Variants in RPS6KA2 observed in about 807,000 individuals in gnomAD.
RPS6KA2 encodes ribosomal protein S6 kinase A2.
RPS6KA2 carries 42 observed loss-of-function variants against 91.8 expected under a neutral mutation model. The observed-to-expected ratio is 0.46, with a 90% CI of 0.36 to 0.59. RPS6KA2 has a LOEUF of 0.59. Ranked by LOEUF, RPS6KA2 falls within the 20% of genes least tolerant of loss-of-function variation. RPS6KA2 has a pLI of 0.00. For synonymous variants in RPS6KA2, 414 were observed against 393.6 expected, an observed-to-expected ratio of 1.05 and a Z score of -0.61; for missense variants, 798 against 978.5, an observed-to-expected ratio of 0.82 and a Z score of 2.46.
intron 2 of RPS6KA2, among the ~76,000 whole-genome samples, chr6:166,637,696 GC>G (rs1436481154): frequency 6.6e-6 from 1 of 152,254 alleles, no homozygotes; most frequent in Non-Finnish European, 1.5e-5. Context: ...GGAGAAGGGG[GC>G]GTTTGTCCCA....
intron 10 of RPS6KA2, among the ~76,000 whole-genome samples, chr6:166,488,084 G>C (rs1294729542): frequency 7.1e-6 from 1 of 140,786 alleles, no homozygotes; most frequent in South Asian, 2.5e-4. Context: ...TATGAGGTTA[G>C]AGTTTAAAAA....
chr6:166,773,284 G>A (rs1399903684), intron 2 of RPS6KA2, among the ~76,000 whole-genome samples: 2 of 152,208 alleles, frequency 1.3e-5, no homozygotes, highest in Admixed American at 6.5e-5. Context: ...TCACAGGAAA[G>A]CCCAGTGTGC....
At chr6:166,594,838 C>A (rs1293059826) in intron 1 of RPS6KA2, among the ~76,000 whole-genome samples, 1 of 152,182 alleles carries the variant, frequency 6.6e-6, no homozygotes, top group African/African-American at 2.4e-5. Context: ...GTTCTCAGAA[C>A]ACCAAAGTTC....
In RPS6KA2 at chr6:166,665,098, C is replaced by T. The variant is rs1788277382; in HGVS notation, c.124-126314G>A. On this transcript the variant is annotated intron_variant, in intron 2 of 21. Coordinates refer to the RPS6KA2 transcript ENST00000503859. The surrounding 1 kb of genome is among the most constrained non-coding windows in gnomAD (Gnocchi z 4.5). ...CATCTCTACAAAAAATAAAATTAGC[C>T]AGGCATGGTGGCGTGTAGCCTTCAG... 6.6e-6 allele frequency among the ~76,000 whole-genome samples: 1 copy of T among 152,084 alleles called. No homozygotes were observed. The highest frequency in any genetic ancestry group is 1.5e-5 in the Non-Finnish European group (1 of 68,020).
intron 2 of RPS6KA2, among the ~76,000 whole-genome samples, chr6:166,856,329 C>T (rs1780902560): frequency 6.6e-6 from 1 of 152,148 alleles, no homozygotes; most frequent in Non-Finnish European, 1.5e-5. Flanking sequence ...CCCCTTCCAC[C>T]ACGTGAGGAC....
In RPS6KA2 at chr6:166,823,030, C is replaced by A. The variant is rs371792586; in HGVS notation, c.123+35170G>T. 1.8e-3 allele frequency among the ~76,000 whole-genome samples: 278 copies of A among 152,254 alleles called. 1 individual carries two copies. Among genetic ancestry groups the A allele is most frequent in the African/African-American group, 6.4e-3 (267 of 41,546 alleles). On this transcript the variant is annotated intron_variant, in intron 2 of 21. Coordinates refer to the RPS6KA2 transcript ENST00000503859. ...TGAGTTATTGGATCTTGGCAATCAC[C>A]AAAACTGAAGAAAAAGACAACCAGA...
chr6:166,611,601 A>G (rs908678838), intron 1 of RPS6KA2, among the ~76,000 whole-genome samples: 4 of 152,254 alleles, frequency 2.6e-5, no homozygotes, highest in Non-Finnish European at 4.4e-5. Flanking sequence ...ACTGGCTTAA[A>G]CAATGAAAGA....
chr6:166,450,320 G>A (rs115988783), intron 13 of RPS6KA2, among the ~76,000 whole-genome samples: 6,033 of 132,494 alleles, frequency 0.046, 151 homozygotes, highest in East Asian at 0.09. Flanking sequence ...GGGACCACCA[G>A]GGGGACCACC....
chr6:166,422,340 C>A (rs1253772429), intron 17 of RPS6KA2, among the ~76,000 whole-genome samples: 1 of 152,170 alleles, frequency 6.6e-6, no homozygotes, highest in African/African-American at 2.4e-5. Context: ...TGCAATGGAC[C>A]AGTGGCCCTG....
At chr6:166,643,513 A>G (rs931103425) in intron 2 of RPS6KA2, among the ~76,000 whole-genome samples, 2 of 152,264 alleles carry the variant, frequency 1.3e-5, no homozygotes, top group Non-Finnish European at 2.9e-5. Context: ...AGGAGGATAC[A>G]ATAATTCTAA....
intron 8 of RPS6KA2, among the ~76,000 whole-genome samples, chr6:166,492,615 T>A (rs999878046): frequency 6.6e-6 from 1 of 152,364 alleles, no homozygotes; most frequent in East Asian, 1.9e-4. Context: ...CACCGTTTAA[T>A]CCTTGTTACA....
intron 6 of RPS6KA2, among the ~76,000 whole-genome samples, chr6:166,504,076 A>G (rs1370753722): frequency 2.0e-5 from 3 of 152,242 alleles, no homozygotes; most frequent in Non-Finnish European, 4.4e-5. Flanking sequence ...TCTGGAGGAC[A>G]GTAGGGAAGA....
At chr6:166,502,523 G>A (rs561145574) in intron 6 of RPS6KA2, among the ~76,000 whole-genome samples, 4 of 152,324 alleles carry the variant, frequency 2.6e-5, no homozygotes, top group East Asian at 1.9e-4. Context: ...CGGCACTCCC[G>A]GCCTGAGTGG....
In RPS6KA2 at chr6:166,583,974, G is replaced by A. The variant is rs139852129; in HGVS notation, c.99+42947C>T. On this transcript the variant is annotated intron_variant, in intron 1 of 20. Transcript: ENST00000265678. ...ACCCTCTAAGGGTCAACAAAAAGGCGCATCTTAAAATGTATTTTATAGCTC... is the reference window on the plus strand; with the variant it reads ...ACCCTCTAAGGGTCAACAAAAAGGCACATCTTAAAATGTATTTTATAGCTC... Among the ~76,000 whole-genome samples the A allele has an allele frequency of 3.4e-4, 52 of 152,296 alleles. No individual in the cohort carries two copies. The South Asian group carries it at 7.9e-3, about 23-fold the overall frequency.
At chr6:166,549,920 C>T (rs533740130) in intron 1 of RPS6KA2, among the ~76,000 whole-genome samples, 5 of 152,208 alleles carry the variant, frequency 3.3e-5, no homozygotes, top group South Asian at 4.1e-4. Context: ...ACCTCTGCCA[C>T]GTGTTTTGCA....
At chr6:166,848,937 A>AAT (rs757441712) in intron 2 of RPS6KA2, among the ~76,000 whole-genome samples, 51 of 151,164 alleles carry the variant, frequency 3.4e-4, no homozygotes, top group Non-Finnish European at 6.5e-4. Flanking sequence ...TAATTTTAAA[A>AAT]ATATATATAT....
rs1781771800 is a variant in RPS6KA2 at position 166,495,988 on chromosome 6, T to A, written c.747+2520A>T. On this transcript the variant is annotated intron_variant, in intron 8 of 20. Coordinates refer to ENST00000265678, the MANE Select transcript of RPS6KA2 (RefSeq NM_021135.6). This position sits in a 1 kb window ranked among gnomAD's most constrained non-coding sequence, Gnocchi z 4.4. ...GTCTCCATCTTTGGATCATTCCTCT[T>A]CTGTCTCTTCTGTTCTCCTATTTCT... Among the ~76,000 whole-genome samples, 1 of 152,214 alleles carries A rather than the reference T, an allele frequency of 6.6e-6. No individual in the cohort carries two copies. Among genetic ancestry groups the A allele is most frequent in the Admixed American group, 6.5e-5 (1 of 15,278 alleles).
At position 166,448,902 on chromosome 6, in the gene RPS6KA2, G is replaced by A. The variant is rs1264423384; in HGVS notation, c.1207-53C>T. The A allele has an allele frequency of 3.7e-5, 60 of 1,601,252 alleles. 1 individual carries two copies. The highest frequency in any genetic ancestry group is 3.0e-4 in the South Asian group (27 of 89,844). ...TGTCGGAACCCTCACACGAGGGGAC[G>A]GTGCAGCTACACGCACACAGAATGT... On this transcript the variant is annotated intron_variant, in intron 13 of 20. Transcript: ENST00000265678. This position sits in a 1 kb window ranked among gnomAD's most constrained non-coding sequence, Gnocchi z 4.7.
intron 2 of RPS6KA2, among the ~76,000 whole-genome samples, chr6:166,717,625 T>C (rs9295364): frequency 0.93 from 141,633 of 152,210 alleles, 66,049 homozygotes; most frequent in East Asian, 1. Flanking sequence ...GGGAGTGGGG[T>C]GCACAGCACA....
Sources: allele counts gnomAD v4.1 joint callset (sites outside exome capture counted in the v4.1 genomes callset), GRCh38; gene constraint gnomAD v4.1.1; non-coding constraint Gnocchi (gnomAD v3.1); transcripts MANE v1.5; gene names NCBI Gene and HGNC (gene_info 2026-07-23, HGNC 2026-07-21).